CNOT6L: variants seen among roughly 807,000 people sequenced by gnomAD.
CNOT6L encodes the protein CCR4-NOT transcription complex subunit 6 like.
A neutral mutation model predicts 64.0 loss-of-function variants in CNOT6L; 7 were observed. That is an observed-to-expected ratio of 0.11 (90% CI 0.06 to 0.21). The LOEUF (loss-of-function observed/expected upper bound fraction) is 0.21. CNOT6L is among the 10% of genes least tolerant of loss of function. The pLI, the probability that CNOT6L is intolerant of heterozygous loss-of-function variation, is 1.00. For synonymous variants in CNOT6L, 193 were observed against 243.4 expected, an observed-to-expected ratio of 0.79 and a Z score of 1.93; for missense variants, 245 against 669.0, an observed-to-expected ratio of 0.37 and a Z score of 6.99.
chr4:77,724,221 A>G (rs1721585977), intron 11 of CNOT6L, among the ~76,000 whole-genome samples: 1 of 151,926 alleles, frequency 6.6e-6, no homozygotes, highest in African/African-American at 2.4e-5. Context: ...ATGGTGGCAC[A>G]CACCTGTAGT....
intron 5 of CNOT6L, among the ~76,000 whole-genome samples, chr4:77,753,205 A>G (rs1725048169): frequency 1.3e-5 from 2 of 148,916 alleles, no homozygotes; most frequent in Admixed American, 1.3e-4. Context: ...AAAAAAAAAA[A>G]CCCAGAAAGA....
In CNOT6L at chr4:77,726,256, A is replaced by G; in HGVS notation, c.1366T>C (p.Ser456Pro). Reference protein sequence around the residue: ...NFSCNGKNGSSEGRITHGFQL... With the variant: ...NFSCNGKNGSPEGRITHGFQL... ...AAGCCATGTGTGATTCTCCCTTCTG[A>G]GCTTCCATTCTTTCCATTGCAGCTG... is the stretch of plus-strand genomic sequence containing the variant. Residue 456 changes from serine (S) to proline (P), a missense_variant, in exon 11 of 12, where the codon TCA becomes CCA. Coordinates refer to ENST00000504123, the MANE Select transcript of CNOT6L (RefSeq NM_144571.3). 1 of 1,613,826 alleles carries G rather than the reference A, an allele frequency of 6.2e-7. No individual in the cohort carries two copies. The highest frequency in any genetic ancestry group is 8.5e-7 in the Non-Finnish European group (1 of 1,179,788).
intron 1 of CNOT6L, among the ~76,000 whole-genome samples, chr4:77,780,275 A>G (rs1728709409): frequency 6.6e-6 from 1 of 152,210 alleles, no homozygotes; most frequent in African/African-American, 2.4e-5. Flanking sequence ...AACACAGCAC[A>G]GTTAATTTCT....
chr4:77,777,301 G>A (rs997007983), intron 1 of CNOT6L, among the ~76,000 whole-genome samples: 1 of 152,092 alleles, frequency 6.6e-6, no homozygotes, highest in Non-Finnish European at 1.5e-5. Context: ...AGTCATGTGT[G>A]GTTTAACAAA....
At chr4:77,776,479 C>T (rs979607310) in intron 1 of CNOT6L, 87 bp from the exon 2 acceptor site, 9 of 892,390 alleles carry the variant, frequency 1.0e-5, no homozygotes, top group Non-Finnish European at 1.5e-5. Context: ...CTCCTTTTCT[C>T]TCCCATTACC....
intron 5 of CNOT6L, 30 bp from the exon 6 acceptor site, chr4:77,748,414 T>C: frequency 1.5e-6 from 2 of 1,366,030 alleles, no homozygotes; most frequent in Non-Finnish European, 2.1e-6. Context: ...TATAGGTTAA[T>C]TTCATGTGTT....
In CNOT6L at chr4:77,717,955, G is replaced by C. The variant is rs1363672799; in HGVS notation, c.*2476C>G. 1 of 152,444 alleles carries C rather than the reference G, an allele frequency of 6.6e-6. No homozygotes were observed. The highest frequency in any genetic ancestry group is 1.9e-4 in the East Asian group (1 of 5,194). 9.4% of individuals were successfully genotyped at this position (152,444 alleles called of 1,614,324 possible). ...TTTGAAAGAGCGCATTTGAAGCAGAGAGAACCCAATTACACACCTTCCTGC... is the reference window on the plus strand; with the variant it reads ...TTTGAAAGAGCGCATTTGAAGCAGACAGAACCCAATTACACACCTTCCTGC... On this transcript the variant is annotated 3_prime_UTR_variant, in exon 12 of 12. Transcript: ENST00000504123.
Position 77,719,309 on chromosome 4 carries a change from G to A in CNOT6L, c.*1122C>T, listed in dbSNP as rs1721056461. 1 of 152,374 alleles carries A rather than the reference G, an allele frequency of 6.6e-6. No individual in the cohort carries two copies. Among genetic ancestry groups the A allele is most frequent in the African/African-American group, 2.4e-5 (1 of 41,280 alleles). 9.4% of individuals were successfully genotyped at this position (152,374 alleles called of 1,614,324 possible). A position where few individuals can be genotyped will look rare whatever the true frequency, so the allele number is the denominator to read the frequency against. ...AAACAAAGATTAAAAGCATATGATGGCCATTTGGCAGCTAGAGTCAGGAAA... is the reference window on the plus strand; with the variant it reads ...AAACAAAGATTAAAAGCATATGATGACCATTTGGCAGCTAGAGTCAGGAAA... On this transcript the variant is annotated 3_prime_UTR_variant, in exon 12 of 12. Coordinates refer to ENST00000504123, the MANE Select transcript of CNOT6L (RefSeq NM_144571.3).
At chr4:77,763,136 C>T (rs992945168) in intron 4 of CNOT6L, among the ~76,000 whole-genome samples, 3 of 151,964 alleles carry the variant, frequency 2.0e-5, no homozygotes, top group African/African-American at 4.8e-5. Context: ...AAATTACCCA[C>T]AGTGGAATCA....
At chr4:77,755,188 G>A (rs1485188806) in intron 5 of CNOT6L, among the ~76,000 whole-genome samples, 2 of 143,498 alleles carry the variant, frequency 1.4e-5, no homozygotes, top group Non-Finnish European at 3.0e-5. Context: ...ACACACATAT[G>A]GCTGGATTGA....
At chr4:77,732,427 T>A (rs985743209) in intron 8 of CNOT6L, among the ~76,000 whole-genome samples, 1 of 152,086 alleles carries the variant, frequency 6.6e-6, no homozygotes, top group African/African-American at 2.4e-5. Context: ...AGGTGTTCAG[T>A]GGAGAGAAGA....
chr4:77,746,867 C>T (rs1284326915), intron 6 of CNOT6L, among the ~76,000 whole-genome samples: 1 of 152,088 alleles, frequency 6.6e-6, no homozygotes, highest in Admixed American at 6.5e-5. Context: ...TTATTCATAA[C>T]ACTGACACAA....
At chr4:77,733,258 A>T (rs987765790) in intron 8 of CNOT6L, among the ~76,000 whole-genome samples, 3 of 152,116 alleles carry the variant, frequency 2.0e-5, no homozygotes, top group African/African-American at 7.2e-5. Flanking sequence ...CTCAGTGTCC[A>T]ATTTTTGTAT....
chr4:77,725,024 C>G (rs1185288454), intron 11 of CNOT6L, among the ~76,000 whole-genome samples: 1 of 152,064 alleles, frequency 6.6e-6, no homozygotes, highest in Non-Finnish European at 1.5e-5. Context: ...AGCTTTTTCC[C>G]AAAAAGCTCA....
rs147466149 is a variant in CNOT6L at position 77,722,701 on chromosome 4, A to C, written c.1456-2058T>G. Reference sequence around the variant, plus strand: ...ACTTGTAACTATTTTCATGGTTTGAAATATCCAGAGTAAAAACTCTTATCA... The same window carrying C: ...ACTTGTAACTATTTTCATGGTTTGACATATCCAGAGTAAAAACTCTTATCA... On this transcript the variant is annotated intron_variant, in intron 11 of 11. Coordinates refer to ENST00000504123, the MANE Select transcript of CNOT6L (RefSeq NM_144571.3). Among the ~76,000 whole-genome samples the C allele has an allele frequency of 6.4e-3, 970 of 152,296 alleles. 6 individuals carry two copies. The highest frequency in any genetic ancestry group is 0.021 in the African/African-American group (888 of 41,558).
intron 1 of CNOT6L, among the ~76,000 whole-genome samples, chr4:77,797,384 C>A (rs563384129): frequency 9.9e-5 from 15 of 152,228 alleles, no homozygotes; most frequent in Admixed American, 8.5e-4. Context: ...GTGTGCCAGT[C>A]TGAGTAGTGT....
At chr4:77,789,945 CAAAAAAAAAAAAAAAAAAAAA>C (rs58242121) in intron 1 of CNOT6L, among the ~76,000 whole-genome samples, 2 of 83,310 alleles carry the variant, frequency 2.4e-5, no homozygotes, top group Non-Finnish European at 2.3e-5. Flanking sequence ...GACACTGTCT[CAAAAAAAAAAAAAAAAAAAAA>C]AAAAAAAAAA....
intron 1 of CNOT6L, among the ~76,000 whole-genome samples, chr4:77,782,174 C>T (rs903884506): frequency 5.3e-5 from 8 of 152,074 alleles, no homozygotes; most frequent in African/African-American, 1.7e-4. Context: ...TTGTGTCTTA[C>T]TACATACTCA....
intron 1 of CNOT6L, among the ~76,000 whole-genome samples, chr4:77,803,876 C>A (rs1731905731): frequency 6.6e-6 from 1 of 151,832 alleles, no homozygotes; most frequent in East Asian, 1.9e-4. Flanking sequence ...GCACTCCAGC[C>A]TGTCAACAAG....
Sources: allele counts gnomAD v4.1 joint callset (sites outside exome capture counted in the v4.1 genomes callset), GRCh38; gene constraint gnomAD v4.1.1; transcripts MANE v1.5; gene names NCBI Gene and HGNC (gene_info 2026-07-23, HGNC 2026-07-21).